GFRA2: variants seen among roughly 807,000 people sequenced by gnomAD.
The protein encoded by GFRA2 is GDNF family receptor alpha 2.
GFRA2 carries 17 observed loss-of-function variants against 48.3 expected under a neutral mutation model. The observed-to-expected ratio is 0.35, with a 90% CI of 0.24 to 0.53. GFRA2 has a LOEUF of 0.53. Ranked by LOEUF, GFRA2 falls within the 20% of genes least tolerant of loss-of-function variation. The probability of loss-of-function intolerance (pLI) is 0.93; values close to 1 mark genes in which losing one functional copy is unlikely to be tolerated. For missense variants in GFRA2, 660 were observed against 637.3 expected (o/e 1.04, Z -0.38); for synonymous variants, 305 against 257.2 (o/e 1.19, Z -1.78).
At chr8:21,693,486 C>G in intron 8 of GFRA2, 86 bp from the exon 9 acceptor site, 1 of 1,311,790 alleles carries the variant, frequency 7.6e-7, no homozygotes, top group South Asian at 1.5e-5. Flanking sequence ...GGCAGAGAAA[C>G]GGACTCAGGA....
At chr8:21,775,154 G>T in intron 2 of GFRA2, 99 bp from the exon 3 acceptor site, 1 of 699,178 alleles carries the variant, frequency 1.4e-6, no homozygotes, top group Admixed American at 2.0e-5. Flanking sequence ...CCAGGGGAAA[G>T]CTCGTGCCAC....
chr8:21,710,741 G>A lies in GFRA2; in HGVS notation c.795-4700C>T, dbSNP rs559030120. Among the ~76,000 whole-genome samples the A allele has an allele frequency of 6.6e-5, 10 of 152,352 alleles. No homozygotes were observed. The East Asian group carries it at 1.2e-3, about 18-fold the overall frequency. ...CCTTGGAGAGCTATTCATAGCAAAC[G>A]GAGGGGGAGAACACAGGCCTGAGCC... On this transcript the variant is annotated intron_variant, in intron 4 of 8. Transcript: ENST00000524240.
intron 3 of GFRA2, among the ~76,000 whole-genome samples, chr8:21,765,173 A>G (rs770011484): frequency 2.0e-5 from 3 of 151,904 alleles, no homozygotes; most frequent in Non-Finnish European, 4.4e-5. Flanking sequence ...GTGCAGTGGC[A>G]TGATCACAGC....
At chr8:21,694,010 T>G (rs1190514518) in intron 8 of GFRA2, among the ~76,000 whole-genome samples, 1 of 144,816 alleles carries the variant, frequency 6.9e-6, no homozygotes, top group African/African-American at 2.5e-5. Flanking sequence ...ATACATGAGA[T>G]ATATATATTT....
At position 21,767,639 on chromosome 8, in the gene GFRA2, A is replaced by T. The variant is rs370540316; in HGVS notation, c.439+7333T>A. Among the ~76,000 whole-genome samples, 1,418 of 152,328 alleles carry T rather than the reference A, an allele frequency of 9.3e-3. 16 individuals carry two copies. The highest frequency in any genetic ancestry group is 0.033 in the African/African-American group (1,356 of 41,574). On this transcript the variant is annotated intron_variant, in intron 3 of 8. Coordinates refer to ENST00000524240, the MANE Select transcript of GFRA2 (RefSeq NM_001495.5). ...CCGGCCAAGAGCCGCCCCACACCCC[A>T]GCCACTGGCAGAGCCTGCCTCACAC...
At chr8:21,730,098 A>G (rs1220080818) in intron 4 of GFRA2, among the ~76,000 whole-genome samples, 1 of 152,062 alleles carries the variant, frequency 6.6e-6, no homozygotes, top group East Asian at 1.9e-4. Flanking sequence ...CGGCACGAGA[A>G]GGGACCTTAG....
At chr8:21,741,166 C>T (rs1399411642) in intron 4 of GFRA2, among the ~76,000 whole-genome samples, 5 of 152,212 alleles carry the variant, frequency 3.3e-5, no homozygotes, top group African/African-American at 1.2e-4. Flanking sequence ...GTCCAAACTC[C>T]TTGCTGTGGC....
chr8:21,769,980 C>T (rs1053224066), intron 3 of GFRA2, among the ~76,000 whole-genome samples: 2 of 152,210 alleles, frequency 1.3e-5, no homozygotes, highest in Non-Finnish European at 2.9e-5. Context: ...TGCTGGCCAA[C>T]CACGGTAGAC....
At chr8:21,716,802 G>GT (rs1401665213) in intron 4 of GFRA2, among the ~76,000 whole-genome samples, 1 of 152,182 alleles carries the variant, frequency 6.6e-6, no homozygotes, top group Admixed American at 6.5e-5. Flanking sequence ...AATGAGACAT[G>GT]TAACACGTAG....
chr8:21,722,010 CTAA>C (rs1302292224), intron 4 of GFRA2, among the ~76,000 whole-genome samples: 5 of 152,208 alleles, frequency 3.3e-5, no homozygotes, highest in African/African-American at 1.2e-4. Context: ...ATTATATAGA[CTAA>C]TGAGAATGCT....
rs184482988 is a variant in GFRA2, at chr8:21,690,646, C to T, written c.*2632G>A. ...CATGATGTAGCCTAAGGGCTTACCT[C>T]CTATTAGGGATACCAGACATGACAT... On this transcript the variant is annotated 3_prime_UTR_variant, in exon 9 of 9. Transcript: ENST00000524240. 6.6e-6 allele frequency: 1 copy of T among 152,274 alleles called. No individual in the cohort carries two copies. Among genetic ancestry groups the T allele is most frequent in the African/African-American group, 2.4e-5 (1 of 41,554 alleles). The allele number at this position is 152,274 out of a possible 1,614,324, so 9.4% of individuals were successfully genotyped here.
chr8:21,707,012 T>C (rs1284976590), intron 4 of GFRA2, among the ~76,000 whole-genome samples: 1 of 152,224 alleles, frequency 6.6e-6, no homozygotes, highest in African/African-American at 2.4e-5. Context: ...GTGACAATCA[T>C]CACCTTCTAC....
rs988105032 is a variant in GFRA2, at chr8:21,788,447, G to A, written c.-288C>T. On this transcript the variant is annotated 5_prime_UTR_variant, in exon 1 of 9. Transcript: ENST00000524240. ...ATCGGCTTTCTAAGCCAACAGCCCA[G>A]TCCTGGGGTCAGCCCTCCCCTCCAA... 1 of 1,171,276 alleles carries A rather than the reference G, an allele frequency of 8.5e-7. No homozygotes were observed. The highest frequency in any genetic ancestry group is 4.4e-5 in the East Asian group (1 of 22,724). 72.6% of individuals were successfully genotyped at this position (1,171,276 alleles called of 1,614,324 possible).
At chr8:21,767,952 C>T (rs1182279582) in intron 3 of GFRA2, among the ~76,000 whole-genome samples, 2 of 106,026 alleles carry the variant, frequency 1.9e-5, no homozygotes, top group African/African-American at 6.8e-5. Context: ...AGGTCACTGG[C>T]GTTGACAGAG....
chr8:21,701,321 G>C (rs1012474122), intron 7 of GFRA2, among the ~76,000 whole-genome samples: 7 of 152,374 alleles, frequency 4.6e-5, no homozygotes, highest in African/African-American at 1.7e-4. Context: ...GTGAACCCAG[G>C]AGGTGGAGCT....
intron 4 of GFRA2, among the ~76,000 whole-genome samples, chr8:21,729,203 C>T (rs367919728): frequency 2.1e-4 from 32 of 152,128 alleles, no homozygotes; most frequent in East Asian, 1.2e-3. Context: ...TGTTGGGTCA[C>T]GCTGTAATCC....
At chr8:21,783,391 G>A (rs1807110361) in intron 1 of GFRA2, among the ~76,000 whole-genome samples, 3 of 152,092 alleles carry the variant, frequency 2.0e-5, no homozygotes, top group Non-Finnish European at 4.4e-5. Context: ...TCATTTCGTT[G>A]TCATTGCCTG....
intron 4 of GFRA2, among the ~76,000 whole-genome samples, chr8:21,720,167 T>C (rs1398691981): frequency 6.6e-6 from 1 of 151,980 alleles, no homozygotes; most frequent in Non-Finnish European, 1.5e-5. Context: ...TCCTGACACA[T>C]AACGTATGGA....
rs1037977064 is a variant in GFRA2, at chr8:21,788,195, C to T, written c.-36G>A. ...TCCCACCGTTTTTTTGTCTTTCTCC[C>T]TTGGGTAAAAAAAAATAATAGTAGT... On this transcript the variant is annotated 5_prime_UTR_variant, in exon 1 of 9. Coordinates refer to ENST00000524240, the MANE Select transcript of GFRA2 (RefSeq NM_001495.5). The T allele has an allele frequency of 2.7e-5, 43 of 1,596,666 alleles. No homozygotes were observed. The African/African-American group carries it at 3.9e-4, about 15-fold the overall frequency.
Sources: gnomAD v4.1 joint callset for allele counts (sites outside exome capture counted in the v4.1 genomes callset) on GRCh38, gnomAD v4.1.1 for gene constraint, MANE v1.5 for transcripts, NCBI Gene and HGNC (gene_info 2026-07-23, HGNC 2026-07-21) for gene names.